VAMP7: variants seen among roughly 807,000 people sequenced by gnomAD.
The protein encoded by VAMP7 is vesicle associated membrane protein 7, also known as vesicle-associated membrane protein 7.
A neutral mutation model predicts 29.6 loss-of-function variants in VAMP7; 14 were observed. The ratio of observed to expected loss-of-function variants is 0.47; its 90% CI spans 0.31 to 0.74. The LOEUF (loss-of-function observed/expected upper bound fraction) is 0.74, where lower values mean the gene tolerates loss of function less well. Among genes scored for constraint, VAMP7 ranks in the 30% least tolerant of loss-of-function variants. The pLI, the probability that VAMP7 is intolerant of heterozygous loss-of-function variation, is 0.05. For synonymous variants in VAMP7, 95 were observed against 88.1 expected, an observed-to-expected ratio of 1.08 and a Z score of -0.44; for missense variants, 223 against 262.4, an observed-to-expected ratio of 0.85 and a Z score of 1.04.
chrX:155,936,131 G>A (rs1240501284), intron 6 of VAMP7, among the ~76,000 whole-genome samples: 1 of 152,132 alleles, frequency 6.6e-6, no homozygotes, highest in African/African-American at 2.4e-5. Flanking sequence ...CTCCCAGTTA[G>A]GCTGCTTGGG....
intron 4 of VAMP7, 49 bp from the exon 5 acceptor site, chrX:155,900,448 A>G (rs768306301): frequency 4.2e-6 from 6 of 1,425,476 alleles, no homozygotes; most frequent in South Asian, 1.3e-5. Context: ...TTGTTTTCCT[A>G]TTGTAAATAA....
At chrX:155,913,776 C>A (rs1172584899) in intron 5 of VAMP7, among the ~76,000 whole-genome samples, 1 of 152,048 alleles carries the variant, frequency 6.6e-6, no homozygotes, top group Non-Finnish European at 1.5e-5. Flanking sequence ...GTTACTGTAG[C>A]CTTGTAGTAT....
Position 155,941,925 on chromosome X carries a change from A to G in VAMP7, c.637A>G (p.Thr213Ala). 6.2e-7 allele frequency: 1 copy of G among 1,613,812 alleles called. No individual in the cohort carries two copies. The highest frequency in any genetic ancestry group is 1.3e-5 in the African/African-American group (1 of 75,026). ...IIVSPLCGGF[T>A]WPSCVKK ...TGTTTCACCTCTCTGTGGTGGATTT[A>G]CATGGCCAAGCTGTGTGAAGAAATA... The change falls in exon 8 of 8, where the codon ACA becomes GCA. Residue 213 changes from threonine to alanine, a missense_variant. Physicochemically the swap from Thr to Ala is moderately conservative, Grantham distance 58 (BLOSUM62 0). Coordinates refer to ENST00000286448, the MANE Select transcript of VAMP7 (RefSeq NM_005638.6).
intron 3 of VAMP7, among the ~76,000 whole-genome samples, chrX:155,896,049 A>G (rs763004489): frequency 6.6e-6 from 1 of 152,312 alleles, no homozygotes; most frequent in Admixed American, 6.5e-5. Context: ...TGTCTTCTAC[A>G]AAACCGGTCC....
chrX:155,899,698 CA>C (rs1414404582), intron 4 of VAMP7, among the ~76,000 whole-genome samples: 1 of 151,950 alleles, frequency 6.6e-6, no homozygotes, highest in Non-Finnish European at 1.5e-5. Context: ...CTACCCACAA[CA>C]AAAATACCAG....
At chrX:155,939,470 A>C (rs778761163) in intron 6 of VAMP7, among the ~76,000 whole-genome samples, 31 of 152,312 alleles carry the variant, frequency 2.0e-4, no homozygotes, top group Non-Finnish European at 4.6e-4. Context: ...GCATTGCTGC[A>C]GTGGAGAAGA....
chrX:155,923,870 A>G (rs896532327), intron 6 of VAMP7, among the ~76,000 whole-genome samples: 6 of 152,034 alleles, frequency 3.9e-5, no homozygotes, highest in Non-Finnish European at 5.9e-5. Context: ...AAGTTTACTT[A>G]CCTTTTCTTC....
intron 5 of VAMP7, among the ~76,000 whole-genome samples, chrX:155,915,067 G>T (rs2124331872): frequency 6.6e-6 from 1 of 152,122 alleles, no homozygotes; most frequent in South Asian, 2.1e-4. Flanking sequence ...TCAGGGATTT[G>T]ACTTCTTCCT....
intron 6 of VAMP7, among the ~76,000 whole-genome samples, chrX:155,922,825 G>A (rs772698459): frequency 3.9e-5 from 6 of 152,014 alleles, no homozygotes; most frequent in South Asian, 2.1e-4. Flanking sequence ...AGTTTTCTTC[G>A]TTGGAAAATT....
intron 6 of VAMP7, 110 bp from the exon 7 acceptor site, chrX:155,939,591 G>A: frequency 1.2e-6 from 1 of 812,024 alleles, no homozygotes; most frequent in Admixed American, 1.8e-5. Flanking sequence ...TGTAAAGAGA[G>A]GTCATTGGAC....
At chrX:155,932,340 G>A (rs928586157) in intron 6 of VAMP7, among the ~76,000 whole-genome samples, 1 of 152,156 alleles carries the variant, frequency 6.6e-6, no homozygotes. Flanking sequence ...CTATCCATGA[G>A]CATGGAATGT....
At chrX:155,904,844 A>G (rs1331785164) in intron 5 of VAMP7, among the ~76,000 whole-genome samples, 1 of 150,630 alleles carries the variant, frequency 6.6e-6, no homozygotes, top group African/African-American at 2.4e-5. Flanking sequence ...GGTTATTATA[A>G]ATAATGCTGC....
intron 1 of VAMP7, among the ~76,000 whole-genome samples, chrX:155,888,620 A>C (rs1374983220): frequency 6.6e-6 from 1 of 152,210 alleles, no homozygotes; most frequent in Non-Finnish European, 1.5e-5. Context: ...ATAGGCAGAC[A>C]TAAGGAAAAT....
At position 155,898,170 on chromosome X, in the gene VAMP7, C is replaced by A. The variant is rs759659358; in HGVS notation, c.263C>A (p.Thr88Asn). ...FLNEIKKRFQ[T>N]TYGSRAQTAL... Reference sequence around the variant, plus strand: ...AATGAGATAAAGAAGAGGTTCCAGACTACTTACGGTTCAAGAGCACAGACA... The same window carrying A: ...AATGAGATAAAGAAGAGGTTCCAGAATACTTACGGTTCAAGAGCACAGACA... Residue 88 changes from threonine to asparagine, a missense_variant, in exon 4 of 8, where the codon ACT becomes AAT. Physicochemically the swap from Thr to Asn is moderately conservative, Grantham distance 65 (BLOSUM62 0). Coordinates refer to ENST00000286448, the MANE Select transcript of VAMP7 (RefSeq NM_005638.6). 5.0e-6 allele frequency: 8 copies of A among 1,613,490 alleles called. No individual in the cohort carries two copies. In the Admixed American group the frequency reaches 1.3e-4, roughly 27 times the overall value.
chrX:155,910,272 TA>T (rs1479734872), intron 5 of VAMP7, among the ~76,000 whole-genome samples: 5 of 152,234 alleles, frequency 3.3e-5, no homozygotes, highest in African/African-American at 1.2e-4. Flanking sequence ...CATGTTGCTG[TA>T]AATGGCATGA....
chrX:155,915,552 T>C (rs1300019914), intron 5 of VAMP7, among the ~76,000 whole-genome samples: 1 of 152,222 alleles, frequency 6.6e-6, no homozygotes. Flanking sequence ...CCAGAGATTC[T>C]GGTACGTTGT....
chrX:155,936,503 G>A (rs1444269947), intron 6 of VAMP7, among the ~76,000 whole-genome samples: 7 of 152,210 alleles, frequency 4.6e-5, no homozygotes, highest in African/African-American at 1.2e-4. Context: ...TGAGCCAGGC[G>A]CGGGATATAA....
chrX:155,883,768 C>T (rs1233972578), intron 1 of VAMP7, among the ~76,000 whole-genome samples: 3 of 143,354 alleles, frequency 2.1e-5, no homozygotes, highest in Admixed American at 7.3e-5. Context: ...TGGAGTGCAG[C>T]GGCGCGATCT....
At chrX:155,889,323 CTGT>C in intron 1 of VAMP7, 132 bp from the exon 2 acceptor site, 1 of 1,257,776 alleles carries the variant, frequency 8.0e-7, no homozygotes, top group Non-Finnish European at 1.1e-6. Flanking sequence ...GCTCTTAAGT[CTGT>C]TGTTAAGTTT....
Sources: gnomAD v4.1 joint callset for allele counts (sites outside exome capture counted in the v4.1 genomes callset) on GRCh38, gnomAD v4.1.1 for gene constraint, MANE v1.5 for transcripts, NCBI Gene and HGNC (gene_info 2026-07-23, HGNC 2026-07-21) for gene names.